Variants in PIK3R1 observed in about 807,000 individuals in gnomAD.
The protein encoded by PIK3R1 is phosphatidylinositol 3-kinase regulatory subunit alpha.
PIK3R1 carries 29 observed loss-of-function variants against 98.0 expected under a neutral mutation model. That is an observed-to-expected ratio of 0.30 (90% confidence interval 0.22 to 0.40). PIK3R1 has a LOEUF of 0.40. Ranked by LOEUF, PIK3R1 falls within the 10% of genes least tolerant of loss-of-function variation. PIK3R1 has a pLI of 1.00. For missense variants in PIK3R1, 596 were observed against 872.7 expected (o/e 0.68, Z 3.99); for synonymous variants, 282 against 311.8 (o/e 0.90, Z 1.01).
intron 2 of PIK3R1, among the ~76,000 whole-genome samples, chr5:68,231,288 T>C (rs971916757): frequency 2.0e-5 from 3 of 152,226 alleles, no homozygotes; most frequent in Non-Finnish European, 2.9e-5. Flanking sequence ...GATTACTTAC[T>C]GCATACCCAC....
chr5:68,222,318 G>A (rs1744119369), intron 1 of PIK3R1, among the ~76,000 whole-genome samples: 2 of 152,096 alleles, frequency 1.3e-5, no homozygotes, highest in African/African-American at 4.8e-5. Flanking sequence ...AGAATTTGAG[G>A]ATGAGAGAAA....
chr5:68,280,281 C>T (rs936357537), intron 5 of PIK3R1: 4 of 533,886 alleles, frequency 7.5e-6, no homozygotes, highest in Non-Finnish European at 1.3e-5. Flanking sequence ...GCTGCCAGCA[C>T]ACCCTGAACA....
At chr5:68,285,487 CTT>C (rs1332616156) in intron 7 of PIK3R1, among the ~76,000 whole-genome samples, 3 of 152,164 alleles carry the variant, frequency 2.0e-5, no homozygotes, top group Non-Finnish European at 4.4e-5. Flanking sequence ...AAAAATGAAA[CTT>C]TGAAAAATTA....
chr5:68,260,228 A>G (rs1394584402), intron 2 of PIK3R1, among the ~76,000 whole-genome samples: 3 of 152,184 alleles, frequency 2.0e-5, no homozygotes, highest in African/African-American at 7.2e-5. Context: ...AAAGAATTAA[A>G]TGACTCTCAG....
intron 1 of PIK3R1, among the ~76,000 whole-genome samples, chr5:68,222,585 C>T (rs951233151): frequency 3.3e-5 from 5 of 152,158 alleles, no homozygotes; most frequent in African/African-American, 9.7e-5. Context: ...TTCGCAGGGA[C>T]ACATTTTAAT....
intron 1 of PIK3R1, among the ~76,000 whole-genome samples, chr5:68,219,494 G>A (rs1744017988): frequency 6.6e-6 from 1 of 152,180 alleles, no homozygotes; most frequent in Non-Finnish European, 1.5e-5. Context: ...AGGATCAAGG[G>A]CTGTACCATG....
intron 2 of PIK3R1, among the ~76,000 whole-genome samples, chr5:68,269,473 T>C (rs1489895023): frequency 6.6e-6 from 1 of 152,226 alleles, no homozygotes; most frequent in African/African-American, 2.4e-5. Flanking sequence ...TATTTGCATC[T>C]TTTTGTTTTT....
intron 2 of PIK3R1, among the ~76,000 whole-genome samples, chr5:68,270,511 A>G (rs1746310695): frequency 6.6e-6 from 1 of 152,208 alleles, no homozygotes; most frequent in African/African-American, 2.4e-5. Context: ...TTCCATTTTC[A>G]GAGCCAACAT....
At chr5:68,273,752 A>C (rs530969404) in intron 3 of PIK3R1, 187 bp from the exon 4 acceptor site, 1 of 629,996 alleles carries the variant, frequency 1.6e-6, no homozygotes, top group African/African-American at 1.8e-5. Context: ...CTTAGAGGCC[A>C]GATGGTTTTG....
chr5:68,280,969 A>T lies in PIK3R1; in HGVS notation c.879A>T (p.Leu293Phe). The T allele has an allele frequency of 6.2e-7, 1 of 1,606,930 alleles. No homozygotes were observed. The highest frequency in any genetic ancestry group is 1.3e-5 in the African/African-American group (1 of 74,754). The change falls in exon 7 of 16, where the codon TTA becomes TTT. Residue 293 changes from leucine to phenylalanine, a missense_variant. Coordinates refer to ENST00000521381, the MANE Select transcript of PIK3R1 (RefSeq NM_181523.3). ...TENLIKVIEI[L>F]ISTEWNERQP... ...ACCTCATAAAAGTTATAGAAATTTTAATCTCAACTGAATGGAATGAACGAC... is the reference window on the plus strand; with the variant it reads ...ACCTCATAAAAGTTATAGAAATTTTTATCTCAACTGAATGGAATGAACGAC...
chr5:68,228,191 A>G (rs1744351959), intron 2 of PIK3R1, among the ~76,000 whole-genome samples: 1 of 152,216 alleles, frequency 6.6e-6, no homozygotes, highest in Non-Finnish European at 1.5e-5. Flanking sequence ...AGAGATTCTG[A>G]TACCACTAGT....
chr5:68,262,584 C>T (rs1415021844), intron 2 of PIK3R1, among the ~76,000 whole-genome samples: 1 of 139,262 alleles, frequency 7.2e-6, no homozygotes, highest in East Asian at 2.2e-4. Context: ...TACATGTATA[C>T]ACATGTATCT....
intron 2 of PIK3R1, among the ~76,000 whole-genome samples, chr5:68,268,598 A>G (rs1746216890): frequency 6.6e-6 from 1 of 152,118 alleles, no homozygotes; most frequent in Non-Finnish European, 1.5e-5. Flanking sequence ...TTGCATATAC[A>G]CTTTCTTTTC....
intron 8 of PIK3R1, 134 bp from the exon 9 acceptor site, chr5:68,292,967 A>G (rs1174100574): frequency 7.0e-6 from 5 of 713,102 alleles, no homozygotes; most frequent in Admixed American, 2.8e-5. Flanking sequence ...CAGGAGGAAT[A>G]TGGGCACTCA....
intron 4 of PIK3R1, among the ~76,000 whole-genome samples, chr5:68,275,472 G>T (rs1261126314): frequency 6.6e-6 from 1 of 151,842 alleles, no homozygotes; most frequent in Non-Finnish European, 1.5e-5. Context: ...GAGAAATAGT[G>T]GTTAGGTTTA....
chr5:68,293,872 T>C lies in PIK3R1; in HGVS notation c.1425+38T>C, dbSNP rs764446203. 4.7e-6 allele frequency: 7 copies of C among 1,488,898 alleles called. No individual in the cohort carries two copies. The East Asian group carries it at 1.4e-4, about 30-fold the overall frequency. 92.2% of individuals were successfully genotyped at this position (1,488,898 alleles called of 1,614,324 possible). ...TGAAAATCAGATTAAAAAATAAGAG[T>C]TCTAAACTTTTAAAGACTAACATGG... is the stretch of plus-strand genomic sequence containing the variant. On this transcript the variant is annotated intron_variant, in intron 11 of 15. Coordinates refer to ENST00000521381, the MANE Select transcript of PIK3R1 (RefSeq NM_181523.3).
intron 2 of PIK3R1, 150 bp from the exon 3 acceptor site, chr5:68,273,240 T>C (rs1746436241): frequency 1.4e-6 from 1 of 727,280 alleles, no homozygotes; most frequent in Non-Finnish European, 2.5e-6. Flanking sequence ...AGTGGGCATA[T>C]CACTTTGGCC....
At chr5:68,273,735 C>T in intron 3 of PIK3R1, 2 of 598,394 alleles carry the variant, frequency 3.3e-6, no homozygotes, top group South Asian at 2.2e-5. Context: ...ATATGATTAA[C>T]TTTCTTCTTA....
At position 68,256,204 on chromosome 5, in the gene PIK3R1, A is replaced by C. The variant is rs532174803; in HGVS notation, c.335-17186A>C. On this transcript the variant is annotated intron_variant, in intron 2 of 15. Coordinates refer to ENST00000521381, the MANE Select transcript of PIK3R1 (RefSeq NM_181523.3). ...TTTTTCTCTTTGAATATCAAAAAAA[A>C]AGTATAAAAACATTTTGTAATTTTT... Among the ~76,000 whole-genome samples the C allele has an allele frequency of 5.3e-5, 8 of 152,324 alleles. No homozygotes were observed. The South Asian group carries it at 1.7e-3, about 32-fold the overall frequency.
Sources: gnomAD v4.1 joint callset for allele counts (sites outside exome capture counted in the v4.1 genomes callset) on GRCh38, gnomAD v4.1.1 for gene constraint, MANE v1.5 for transcripts, NCBI Gene and HGNC (gene_info 2026-07-23, HGNC 2026-07-21) for gene names.